Variants in CALN1 observed in about 807,000 individuals in gnomAD.
CALN1 encodes calcium-binding protein 8.
A neutral mutation model predicts 30.6 loss-of-function variants in CALN1; 17 were observed. The ratio of observed to expected loss-of-function variants is 0.56; its 90% CI spans 0.38 to 0.83. CALN1 has a LOEUF of 0.83. CALN1 is among the 40% of genes least tolerant of loss of function. The pLI is 0.00. For missense variants in CALN1, 291 were observed against 354.9 expected (o/e 0.82, Z 1.45); for synonymous variants, 156 against 131.4 (o/e 1.19, Z -1.28).
Position 72,106,032 on chromosome 7 carries a change from G to A in CALN1, c.388+119C>T, listed in dbSNP as rs1807082073. On this transcript the variant is annotated intron_variant, in intron 4 of 6. Transcript: ENST00000395275. ...AAAGCCTGTTCTAGTCCAAGTTTCTGCTTCTCAAATGTAAACCAAGTCTCT... is the reference window on the plus strand; with the variant it reads ...AAAGCCTGTTCTAGTCCAAGTTTCTACTTCTCAAATGTAAACCAAGTCTCT... The A allele has an allele frequency of 7.4e-6, 10 of 1,343,708 alleles. 1 individual carries two copies. The South Asian group carries it at 1.5e-4, about 20-fold the overall frequency. The allele number at this position is 1,343,708 out of a possible 1,614,324, so 83.2% of individuals were successfully genotyped here. A position where few individuals can be genotyped will look rare whatever the true frequency, so the allele number is the denominator to read the frequency against.
intron 3 of CALN1, among the ~76,000 whole-genome samples, chr7:72,273,671 A>G (rs1197731041): frequency 6.6e-6 from 1 of 151,832 alleles, no homozygotes; most frequent in African/African-American, 2.4e-5. Flanking sequence ...GGCATGCACC[A>G]ACACATCCAG....
chr7:71,930,259 T>C lies in CALN1; in HGVS notation c.501+93398A>G, dbSNP rs111556539. On this transcript the variant is annotated intron_variant, in intron 5 of 6. Coordinates refer to ENST00000395275, the MANE Select transcript of CALN1 (RefSeq NM_031468.4). ...TTACTGGTATCTGTCTTTTTCAATA[T>C]AGCCATCCTAGCAGGATGGTGTGGT... Among the ~76,000 whole-genome samples the C allele has an allele frequency of 2.6e-3, 400 of 152,326 alleles. 1 individual carries two copies. Among genetic ancestry groups the C allele is most frequent in the Non-Finnish European group, 4.9e-3 (331 of 68,022 alleles).
At chr7:72,298,100 G>A (rs1798993691) in intron 2 of CALN1, among the ~76,000 whole-genome samples, 1 of 152,114 alleles carries the variant, frequency 6.6e-6, no homozygotes, top group Non-Finnish European at 1.5e-5. Flanking sequence ...CACAGCATAA[G>A]GTTCCTTTGA....
In CALN1 at chr7:71,907,340, A is replaced by G. The variant is rs893392338; in HGVS notation, c.502-96848T>C. On this transcript the variant is annotated intron_variant, in intron 5 of 6. Coordinates refer to ENST00000395275, the MANE Select transcript of CALN1 (RefSeq NM_031468.4). ...CTGCACTGCTCTCCCTGTGAAGTCA[A>G]TATTACAGATTCCTGGGCTGCAAAC... is the stretch of plus-strand genomic sequence containing the variant. Among the ~76,000 whole-genome samples, 13 of 152,084 alleles carry G rather than the reference A, an allele frequency of 8.5e-5. 1 individual carries two copies. Among genetic ancestry groups the G allele is most frequent in the Non-Finnish European group, 1.0e-4 (7 of 68,028 alleles).
intron 5 of CALN1, among the ~76,000 whole-genome samples, chr7:71,967,156 GAGAA>G (rs770950628): frequency 8.5e-5 from 13 of 152,114 alleles, no homozygotes; most frequent in Admixed American, 2.0e-4. Context: ...GAAGAAAACA[GAGAA>G]AGCCTTTATC....
chr7:71,818,707 TA>T (rs1296385532), intron 5 of CALN1, among the ~76,000 whole-genome samples: 3 of 149,698 alleles, frequency 2.0e-5, no homozygotes, highest in African/African-American at 7.4e-5. Flanking sequence ...TTTATTTATT[TA>T]TTTATTTATT....
chr7:72,370,644 G>A (rs997344261), intron 2 of CALN1, among the ~76,000 whole-genome samples: 3 of 145,552 alleles, frequency 2.1e-5, no homozygotes, highest in Admixed American at 7.0e-5. Flanking sequence ...GTGACAGAGC[G>A]AGACTCCGTC....
chr7:71,987,713 G>A (rs925892863), intron 5 of CALN1, among the ~76,000 whole-genome samples: 2 of 152,210 alleles, frequency 1.3e-5, no homozygotes, highest in Admixed American at 6.5e-5. Flanking sequence ...GAGCAGAGGC[G>A]TGACCTTGAA....
At chr7:71,979,514 G>A (rs767855145) in intron 5 of CALN1, among the ~76,000 whole-genome samples, 1 of 152,062 alleles carries the variant, frequency 6.6e-6, no homozygotes, top group Non-Finnish European at 1.5e-5. Flanking sequence ...TAACGCTGCC[G>A]CTGATCTGGC....
chr7:72,070,392 G>A (rs908698213), intron 4 of CALN1, among the ~76,000 whole-genome samples: 9 of 152,280 alleles, frequency 5.9e-5, no homozygotes, highest in African/African-American at 2.2e-4. Context: ...ACTGCTGCAG[G>A]TCCATGAGGC....
At chr7:72,279,912 G>A (rs1359317208) in intron 2 of CALN1, among the ~76,000 whole-genome samples, 2 of 152,208 alleles carry the variant, frequency 1.3e-5, no homozygotes, top group Non-Finnish European at 2.9e-5. Flanking sequence ...CAATCACAAG[G>A]AGTGGGTAGA....
intron 2 of CALN1, among the ~76,000 whole-genome samples, chr7:72,317,152 G>C (rs1398403954): frequency 8.7e-6 from 1 of 114,962 alleles, no homozygotes; most frequent in Non-Finnish European, 1.7e-5. Context: ...AGGCAGGGAA[G>C]AAGGGAGCAG....
At chr7:72,140,521 G>A (rs1563091640) in intron 3 of CALN1, among the ~76,000 whole-genome samples, 1 of 152,236 alleles carries the variant, frequency 6.6e-6, no homozygotes, top group East Asian at 1.9e-4. Context: ...CTTGCTGAAA[G>A]TATTTCCCTC....
chr7:72,359,860 C>T lies in CALN1; in HGVS notation c.119+43391G>A, dbSNP rs995192904. On this transcript the variant is annotated intron_variant, in intron 2 of 6. Coordinates refer to ENST00000395275, the MANE Select transcript of CALN1 (RefSeq NM_031468.4). Reference sequence around the variant, plus strand: ...GACGTGGTGGCGGGCGCCTGTAGTCCCAGCTACTCAGGAGGCTGAGGCAGG... The same window carrying T: ...GACGTGGTGGCGGGCGCCTGTAGTCTCAGCTACTCAGGAGGCTGAGGCAGG... Among the ~76,000 whole-genome samples the T allele has an allele frequency of 2.0e-5, 3 of 150,778 alleles. No homozygotes were observed. The Admixed American group carries it at 2.0e-4, about 10-fold the overall frequency.
At chr7:72,111,387 TG>T (rs1807565662) in intron 3 of CALN1, among the ~76,000 whole-genome samples, 1 of 152,234 alleles carries the variant, frequency 6.6e-6, no homozygotes, top group Admixed American at 6.5e-5. Context: ...CAGAGAGTCT[TG>T]AGCCAAGCAA....
intron 2 of CALN1, among the ~76,000 whole-genome samples, chr7:72,316,405 A>G (rs754239374): frequency 2.0e-5 from 3 of 151,890 alleles, no homozygotes; most frequent in Non-Finnish European, 2.9e-5. Flanking sequence ...TTCACAGGAT[A>G]TTAAGTGAAA....
intron 4 of CALN1, among the ~76,000 whole-genome samples, chr7:72,044,557 C>T (rs1802341104): frequency 6.7e-6 from 1 of 149,792 alleles, no homozygotes; most frequent in Admixed American, 6.7e-5. Context: ...CCGACGGTTG[C>T]AGGGTATTTT....
chr7:72,140,984 T>C (rs1809891234), intron 3 of CALN1, among the ~76,000 whole-genome samples: 1 of 152,206 alleles, frequency 6.6e-6, no homozygotes, highest in Non-Finnish European at 1.5e-5. Context: ...AGGTAGAAGA[T>C]ACTAGCCTCC....
intron 5 of CALN1, among the ~76,000 whole-genome samples, chr7:71,941,578 C>A (rs942203068): frequency 6.6e-6 from 1 of 152,082 alleles, no homozygotes; most frequent in Non-Finnish European, 1.5e-5. Context: ...TTCATTCATG[C>A]TTAGAGAAAT....
Sources: allele counts gnomAD v4.1 joint callset (sites outside exome capture counted in the v4.1 genomes callset), GRCh38; gene constraint gnomAD v4.1.1; transcripts MANE v1.5; gene names NCBI Gene and HGNC (gene_info 2026-07-23, HGNC 2026-07-21).